Variants in ADAM28 observed in about 807,000 individuals in gnomAD.
The protein encoded by ADAM28 is disintegrin and metalloproteinase domain-containing protein 28.
In ADAM28, 105 loss-of-function variants were observed where a neutral mutation model predicts 101.2. The observed-to-expected ratio is 1.04, with a 90% CI of 0.89 to 1.22. The LOEUF (loss-of-function observed/expected upper bound fraction) is 1.22. Ranked by LOEUF, ADAM28 falls within the 50% of genes most tolerant of loss-of-function variation. The probability of loss-of-function intolerance (pLI) is 0.00; values close to 1 mark genes in which losing one functional copy is unlikely to be tolerated. For synonymous variants in ADAM28, 322 were observed against 310.6 expected, an observed-to-expected ratio of 1.04 and a Z score of -0.39; for missense variants, 1,028 against 945.4, an observed-to-expected ratio of 1.09 and a Z score of -1.15.
intron 1 of ADAM28, among the ~76,000 whole-genome samples, chr8:24,296,752 C>G (rs1482884687): frequency 6.6e-6 from 1 of 152,112 alleles, no homozygotes; most frequent in Non-Finnish European, 1.5e-5. Context: ...AGAGAGAAGG[C>G]AAGTATTAAA....
At chr8:24,348,412 A>G (rs951126918) in intron 18 of ADAM28, among the ~76,000 whole-genome samples, 2 of 152,074 alleles carry the variant, frequency 1.3e-5, no homozygotes, top group African/African-American at 4.8e-5. Flanking sequence ...ACATTAACAC[A>G]TCATTATCAC....
chr8:24,350,309 C>T (rs563215174), intron 19 of ADAM28, among the ~76,000 whole-genome samples: 8 of 151,910 alleles, frequency 5.3e-5, no homozygotes, highest in South Asian at 2.1e-4. Context: ...TGCTAAGCAC[C>T]GCCCCACCCA....
chr8:24,352,030 G>T lies in ADAM28; in HGVS notation c.2222G>T (p.Gly741Val). 6.2e-7 allele frequency: 1 copy of T among 1,613,684 alleles called. No homozygotes were observed. The highest frequency in any genetic ancestry group is 8.5e-7 in the Non-Finnish European group (1 of 1,179,734). The change falls in exon 21 of 23, where the codon GGC (glycine) becomes GTC (valine). Residue 741 changes from glycine to valine, a missense_variant. Coordinates refer to ENST00000265769, the MANE Select transcript of ADAM28 (RefSeq NM_014265.6). Reference protein sequence around the residue: ...KPHVYDLPVEGNEPPASFHKD... With the variant: ...KPHVYDLPVEVNEPPASFHKD... ...CATGTGTATGATCTGCCAGTAGAAG[G>T]CAATGAGCCCCCAGCCTCTTTTGTG...
intron 9 of ADAM28, among the ~76,000 whole-genome samples, chr8:24,325,887 A>AACAAAC (rs1554514066): frequency 3.7e-5 from 5 of 135,914 alleles, no homozygotes; most frequent in Admixed American, 7.5e-5. Context: ...AAAAAAAAAA[A>AACAAAC]AAAAAAAAAA....
intron 1 of ADAM28, among the ~76,000 whole-genome samples, chr8:24,294,838 A>G (rs1288867906): frequency 1.3e-5 from 2 of 152,220 alleles, no homozygotes. Flanking sequence ...ACTACTTCCT[A>G]ACAGGAAATT....
intron 14 of ADAM28, among the ~76,000 whole-genome samples, chr8:24,338,204 A>C (rs1814327370): frequency 6.6e-6 from 1 of 151,762 alleles, no homozygotes; most frequent in Non-Finnish European, 1.5e-5. Flanking sequence ...ACTGAAAAAC[A>C]TCTCAAAATC....
rs1811835502 is a variant in ADAM28, at chr8:24,321,237, A to C, written c.668A>C (p.Asn223Thr). 6.2e-6 allele frequency: 10 copies of C among 1,605,986 alleles called. No homozygotes were observed. Among genetic ancestry groups the C allele is most frequent in the Non-Finnish European group, 8.5e-6 (10 of 1,173,258 alleles). ...DNGEFKRYNE[N>T]QDEIRKRVFE... ...TTTTAGTTTAAAAGGTACAATGAGA[A>C]TCAAGATGAGATCAGAAAGAGGGTA... Residue 223 changes from asparagine (N) to threonine (T), a missense_variant, in exon 8 of 23, where the codon AAT (asparagine) becomes ACT (threonine). Coordinates refer to ENST00000265769, the MANE Select transcript of ADAM28 (RefSeq NM_014265.6).
At chr8:24,339,346 C>T in intron 14 of ADAM28, 120 bp from the exon 15 acceptor site, 1 of 720,104 alleles carries the variant, frequency 1.4e-6, no homozygotes, top group African/African-American at 1.8e-5. Context: ...ATTTTTCTTG[C>T]TTGTTTTATA....
At chr8:24,302,628 C>T (rs1213826536) in intron 2 of ADAM28, among the ~76,000 whole-genome samples, 1 of 152,178 alleles carries the variant, frequency 6.6e-6, no homozygotes, top group Non-Finnish European at 1.5e-5. Flanking sequence ...TTAATAATCA[C>T]CATTCTGACT....
chr8:24,310,098 G>A (rs1287305704), intron 3 of ADAM28, 65 bp from the exon 4 acceptor site: 3 of 1,576,872 alleles, frequency 1.9e-6, no homozygotes, highest in Non-Finnish European at 2.6e-6. Context: ...CAAATGACTT[G>A]AGAATTTCCA....
rs1287352791 is a variant in ADAM28 at position 24,329,886 on chromosome 8, TGAGAGAGA to T, written c.973-76_973-69del. ...GTGTGTGTTTGTGTGTGTGTGTGTG[TGAGAGAGA>T]GAGAGAGAGAGAGAGAGAGAGATGG... On this transcript the variant is annotated intron_variant, in intron 10 of 22. Transcript: ENST00000265769. 97 of 564,492 alleles carry T rather than the reference TGAGAGAGA, an allele frequency of 1.7e-4. No homozygotes were observed. In the African/African-American group the frequency reaches 1.9e-3, roughly 11 times the overall value. 35.0% of individuals were successfully genotyped at this position (564,492 alleles called of 1,614,324 possible).
chr8:24,305,195 T>C (rs1480489439), intron 2 of ADAM28, among the ~76,000 whole-genome samples: 1 of 151,980 alleles, frequency 6.6e-6, no homozygotes, highest in Non-Finnish European at 1.5e-5. Flanking sequence ...ATATTTAGAG[T>C]CTCTTATAGT....
rs564467447 is a variant in ADAM28 at position 24,349,842 on chromosome 8, G to A, written c.1991-22G>A. On this transcript the variant is annotated intron_variant, in intron 18 of 22. Coordinates refer to ENST00000265769, the MANE Select transcript of ADAM28 (RefSeq NM_014265.6). ...GATGTGTGTTTCTGCAGTCCTCAGCGGGCCCCTGTTCTCTGCTGCAGACTT... is the reference window on the plus strand; with the variant it reads ...GATGTGTGTTTCTGCAGTCCTCAGCAGGCCCCTGTTCTCTGCTGCAGACTT... 8.1e-6 allele frequency: 13 copies of A among 1,600,176 alleles called. No individual in the cohort carries two copies. The East Asian group carries it at 9.0e-5, about 11-fold the overall frequency.
At chr8:24,325,658 AATAG>A (rs1368960802) in intron 9 of ADAM28, among the ~76,000 whole-genome samples, 3 of 151,744 alleles carry the variant, frequency 2.0e-5, no homozygotes, top group African/African-American at 7.3e-5. Context: ...AATCAGATTA[AATAG>A]ATAAAATCTG....
chr8:24,353,763 A>AATGTATGGG lies in ADAM28; in HGVS notation c.2245-6_2245-5insTGTATGGGA. ...ATGCCATACCATTGTTTTTATAATT[A>AATGTATGGG]ACGTAGCATAAAGACACAAACGCAC... On this transcript the variant is annotated splice_polypyrimidine_tract_variant and splice_region_variant and intron_variant, in intron 21 of 22. Transcript: ENST00000265769. 6.9e-7 allele frequency: 1 copy of AATGTATGGG among 1,455,546 alleles called. No homozygotes were observed. The highest frequency in any genetic ancestry group is 9.6e-7 in the Non-Finnish European group (1 of 1,036,660). 90.2% of individuals were successfully genotyped at this position (1,455,546 alleles called of 1,614,324 possible). A position where few individuals can be genotyped will look rare whatever the true frequency, so the allele number is the denominator to read the frequency against.
chr8:24,309,961 A>G lies in ADAM28; in HGVS notation c.218A>G (p.Lys73Arg). The change falls in exon 3 of 23, where the codon AAA (lysine) becomes AGA (arginine). Residue 73 changes from lysine to arginine, a missense_variant. Transcript: ENST00000265769. ...INGKIAVLYL[K>R]KNKNLLAPGY... The stretch of plus-strand genomic sequence containing the variant: ...GGAAAAATTGCAGTGCTTTATTTGA[A>G]AAAAAACAAGTAAGTATCTTTACCT... 1 of 1,562,902 alleles carries G rather than the reference A, an allele frequency of 6.4e-7. No individual in the cohort carries two copies. Among genetic ancestry groups the G allele is most frequent in the Non-Finnish European group, 8.8e-7 (1 of 1,134,928 alleles).
Position 24,310,188 on chromosome 8 carries a change from G to A in ADAM28, c.253G>A (p.Glu85Lys). 1 of 1,613,428 alleles carries A rather than the reference G, an allele frequency of 6.2e-7. No individual in the cohort carries two copies. The highest frequency in any genetic ancestry group is 8.5e-7 in the Non-Finnish European group (1 of 1,179,636). ...GAACCTCCTTGCACCAGGCTACACG[G>A]AAACATATTATAATTCCACTGGAAA... ...NKNLLAPGYT[E>K]TYYNSTGKEI... is the part of the protein sequence containing the mutation. Residue 85 changes from glutamate to lysine, a missense_variant, in exon 4 of 23, where the codon GAA (glutamate) becomes AAA (lysine). Transcript: ENST00000265769.
intron 6 of ADAM28, among the ~76,000 whole-genome samples, chr8:24,319,529 T>G (rs1222390350): frequency 6.6e-6 from 1 of 152,008 alleles, no homozygotes; most frequent in Non-Finnish European, 1.5e-5. Flanking sequence ...AAATCTATCT[T>G]CAGGAGTTTC....
At position 24,326,547 on chromosome 8, in the gene ADAM28, C is replaced by G. The variant is rs773028641; in HGVS notation, c.891-7C>G. ...ATTTGTTACATCAATTTATTCCTTT[C>G]TTGCAGAGCAACAGAACTTGCTGGA... On this transcript the variant is annotated splice_polypyrimidine_tract_variant and splice_region_variant and intron_variant, in intron 9 of 22. Coordinates refer to ENST00000265769, the MANE Select transcript of ADAM28 (RefSeq NM_014265.6). 6.2e-7 allele frequency: 1 copy of G among 1,610,434 alleles called. No individual in the cohort carries two copies. The highest frequency in any genetic ancestry group is 8.5e-7 in the Non-Finnish European group (1 of 1,177,760).
Sources: gnomAD v4.1 joint callset for allele counts (sites outside exome capture counted in the v4.1 genomes callset) on GRCh38, gnomAD v4.1.1 for gene constraint, MANE v1.5 for transcripts, NCBI Gene and HGNC (gene_info 2026-07-23, HGNC 2026-07-21) for gene names.